ADRA1B: variants seen among roughly 807,000 people sequenced by gnomAD.
ADRA1B encodes the protein adrenoceptor alpha 1B, also known as alpha-1B adrenergic receptor.
Under a neutral mutation model 17.9 loss-of-function variants are expected in ADRA1B, and 17 were observed. That is an observed-to-expected ratio of 0.95 (90% CI 0.65 to 1.42). The LOEUF (loss-of-function observed/expected upper bound fraction) is 1.42. Among genes scored for constraint, ADRA1B ranks in the 40% most tolerant of loss-of-function variants. The probability of loss-of-function intolerance (pLI) is 0.00; values close to 1 mark genes in which losing one functional copy is unlikely to be tolerated. For missense variants in ADRA1B, 681 were observed against 722.1 expected, an observed-to-expected ratio of 0.94 and a Z score of 0.65; for synonymous variants, 366 against 327.6, an observed-to-expected ratio of 1.12 and a Z score of -1.27.
the ADRA1B span, among the ~76,000 whole-genome samples, chr5:159,982,169 G>A: frequency 6.6e-6 from 1 of 152,226 alleles, no homozygotes; most frequent in Admixed American, 6.5e-5. Context: ...ACTCCTAAGT[G>A]AGAATCAACT....
chr5:159,876,803 C>A (rs765879431), intron 1 of ADRA1B, among the ~76,000 whole-genome samples: 1 of 152,140 alleles, frequency 6.6e-6, no homozygotes, highest in South Asian at 2.1e-4. Flanking sequence ...AAGTAAAGGA[C>A]GATTTGTCCC....
chr5:159,943,905 G>GTCTC (rs746703941), intron 1 of ADRA1B, among the ~76,000 whole-genome samples: 1 of 134,642 alleles, frequency 7.4e-6, no homozygotes, highest in African/African-American at 2.7e-5. Context: ...CTCTCTCTCT[G>GTCTC]TCTCTCTCAC....
chr5:159,895,677 A>G (rs989310403), intron 1 of ADRA1B, among the ~76,000 whole-genome samples: 1 of 152,212 alleles, frequency 6.6e-6, no homozygotes, highest in African/African-American at 2.4e-5. Context: ...TTGAAGAAAA[A>G]AAAAGATCAT....
At chr5:159,903,937 C>T (rs1754129107) in intron 1 of ADRA1B, among the ~76,000 whole-genome samples, 2 of 152,048 alleles carry the variant, frequency 1.3e-5, no homozygotes, top group Non-Finnish European at 2.9e-5. Context: ...CAAAAGTCAC[C>T]TGACCTGTAC....
the ADRA1B span, among the ~76,000 whole-genome samples, chr5:159,979,650 C>A: frequency 6.6e-6 from 1 of 151,960 alleles, no homozygotes; most frequent in Non-Finnish European, 1.5e-5. Context: ...GGCGGATCAC[C>A]GGAGGTCAGG....
chr5:159,894,952 C>T (rs371974474), intron 1 of ADRA1B, among the ~76,000 whole-genome samples: 2 of 152,312 alleles, frequency 1.3e-5, no homozygotes. Flanking sequence ...CATACCTCCG[C>T]TAGTTCTTAA....
downstream of ADRA1B, among the ~76,000 whole-genome samples, chr5:159,977,697 C>A (rs1755993787): frequency 6.6e-6 from 1 of 152,280 alleles, no homozygotes; most frequent in Middle Eastern, 3.4e-3. Context: ...TGGCTGGAGT[C>A]AGAGGTTAAG....
At chr5:159,906,645 A>G (rs137907132) in intron 1 of ADRA1B, among the ~76,000 whole-genome samples, 1 of 152,312 alleles carries the variant, frequency 6.6e-6, no homozygotes, top group Admixed American at 6.5e-5. Flanking sequence ...TGCCTACTCA[A>G]CACTCTACAT....
chr5:159,894,671 G>A (rs1034646350), intron 1 of ADRA1B, among the ~76,000 whole-genome samples: 5 of 152,028 alleles, frequency 3.3e-5, no homozygotes, highest in African/African-American at 9.7e-5. Flanking sequence ...ATTTTAGTTC[G>A]TGATACAATA....
At chr5:159,948,758 T>C (rs1401509469) in intron 1 of ADRA1B, among the ~76,000 whole-genome samples, 2 of 152,238 alleles carry the variant, frequency 1.3e-5, no homozygotes, top group Non-Finnish European at 2.9e-5. Context: ...CAGTCACTTA[T>C]GTTGAATATT....
At chr5:159,932,248 G>T (rs1003910487) in intron 1 of ADRA1B, among the ~76,000 whole-genome samples, 3 of 151,920 alleles carry the variant, frequency 2.0e-5, no homozygotes, top group Non-Finnish European at 2.9e-5. Context: ...TGAACTCTTG[G>T]ACCCAAGCGA....
intron 1 of ADRA1B, among the ~76,000 whole-genome samples, chr5:159,886,768 G>T (rs1369629987): frequency 6.6e-6 from 1 of 152,048 alleles, no homozygotes; most frequent in Non-Finnish European, 1.5e-5. Context: ...TTATAATTAA[G>T]CAGATACGGA....
At chr5:159,962,889 T>A (rs942391091) in intron 1 of ADRA1B, among the ~76,000 whole-genome samples, 3 of 146,928 alleles carry the variant, frequency 2.0e-5, no homozygotes, top group African/African-American at 7.5e-5. Flanking sequence ...GTTTTTAGCT[T>A]TTATTTCTTT....
At chr5:159,913,096 A>G (rs80113469), upstream of ADRA1B, among the ~76,000 whole-genome samples, 678 of 152,280 alleles carry the variant, frequency 4.5e-3, 9 homozygotes, top group African/African-American at 0.016. Context: ...CAGTTTCTCT[A>G]CAGGTCAACT....
the ADRA1B span, among the ~76,000 whole-genome samples, chr5:159,988,649 G>A: frequency 6.6e-6 from 1 of 152,092 alleles, no homozygotes; most frequent in African/African-American, 2.4e-5. Context: ...CTCTTTCCTA[G>A]AGAGTTTCAG....
At chr5:159,904,111 A>G (rs913968774) in intron 1 of ADRA1B, among the ~76,000 whole-genome samples, 79 of 152,210 alleles carry the variant, frequency 5.2e-4, no homozygotes, top group African/African-American at 1.9e-3. Context: ...CAATGAGCAC[A>G]ATTTACCTTA....
At chr5:159,947,570 T>C in intron 1 of ADRA1B, 1 of 339,518 alleles carries the variant, frequency 2.9e-6, no homozygotes, top group East Asian at 1.7e-4. Context: ...GCAATAAGCC[T>C]CATTTCTTTT....
At chr5:159,895,578 T>A (rs1418241768) in intron 1 of ADRA1B, among the ~76,000 whole-genome samples, 1 of 152,148 alleles carries the variant, frequency 6.6e-6, no homozygotes, top group Non-Finnish European at 1.5e-5. Context: ...ATCATTCCCA[T>A]CCTTTCTGTG....
At chr5:159,929,947 A>G (rs1754756968) in intron 1 of ADRA1B, among the ~76,000 whole-genome samples, 1 of 151,948 alleles carries the variant, frequency 6.6e-6, no homozygotes. Context: ...GTGTGTTTTC[A>G]CTCTGTTTAT....
Sources: allele counts gnomAD v4.1 joint callset (sites outside exome capture counted in the v4.1 genomes callset), GRCh38; gene constraint gnomAD v4.1.1; transcripts MANE v1.5; gene names NCBI Gene and HGNC (gene_info 2026-07-23, HGNC 2026-07-21).